Variants in MCM2 observed in about 807,000 individuals in gnomAD.
MCM2 encodes DNA replication licensing factor MCM2.
MCM2 carries 49 observed loss-of-function variants against 86.4 expected under a neutral mutation model. That is an observed-to-expected ratio of 0.57 (90% confidence interval 0.45 to 0.72). The LOEUF is 0.72. MCM2 is among the 30% of genes least tolerant of loss of function. MCM2 has a pLI of 0.00. For missense variants in MCM2, 1,038 were observed against 1,259.9 expected, an observed-to-expected ratio of 0.82 and a Z score of 2.67; for synonymous variants, 475 against 484.6, an observed-to-expected ratio of 0.98 and a Z score of 0.26.
chr3:127,617,185 G>A lies in MCM2; in HGVS notation c.1773+67G>A, dbSNP rs186703288. 20 of 1,603,708 alleles carry A rather than the reference G, an allele frequency of 1.2e-5. No individual in the cohort carries two copies. The highest frequency in any genetic ancestry group is 1.7e-4 in the Middle Eastern group (1 of 6,006). On this transcript the variant is annotated intron_variant, in intron 10 of 15. Transcript: ENST00000265056. This position sits in a 1 kb window ranked among gnomAD's most constrained non-coding sequence, Gnocchi z 4.1. The stretch of plus-strand genomic sequence containing the variant: ...GTGTGTGGGCTTGGGCCTTAGCGAC[G>A]GGAATGGTGTTAATGGGGTCCATTG...
chr3:127,604,863 G>A (rs1386527431), intron 3 of MCM2, 33 bp from the exon 4 acceptor site: 1 of 1,588,524 alleles, frequency 6.3e-7, no homozygotes. Context: ...TGCTGGGGAT[G>A]ACCGCAGTAG....
intron 6 of MCM2, among the ~76,000 whole-genome samples, chr3:127,607,586 T>C (rs1018679144): frequency 6.6e-6 from 1 of 152,232 alleles, no homozygotes; most frequent in Non-Finnish European, 1.5e-5. Flanking sequence ...CTGAGCCACG[T>C]CTTTGCTCAC....
chr3:127,599,031 A>G (rs559240387), intron 1 of MCM2: 149 of 526,276 alleles, frequency 2.8e-4, no homozygotes, highest in African/African-American at 2.7e-3. Flanking sequence ...GGCAAATGAC[A>G]TAACCTCAGT....
chr3:127,617,763 G>T lies in MCM2; in HGVS notation c.1901-206G>T. 1 of 592,764 alleles carries T rather than the reference G, an allele frequency of 1.7e-6. No individual in the cohort carries two copies. The highest frequency in any genetic ancestry group is 3.0e-5 in the Admixed American group (1 of 33,812). The allele number at this position is 592,764 out of a possible 1,614,324, so 36.7% of individuals were successfully genotyped here. On this transcript the variant is annotated intron_variant, in intron 11 of 15. Transcript: ENST00000265056. This position sits in a 1 kb window ranked among gnomAD's most constrained non-coding sequence, Gnocchi z 4.1. ...GTTCTTGGTTTTTCCTCCTGGGGAA[G>T]CAGTTATGCTTTCTGTCTAAATTAG...
At position 127,621,881 on chromosome 3, in the gene MCM2, A is replaced by C; in HGVS notation, c.*108A>C. 6.7e-6 allele frequency: 5 copies of C among 743,068 alleles called. No homozygotes were observed. The highest frequency in any genetic ancestry group is 1.1e-5 in the Non-Finnish European group (5 of 444,550). The allele number at this position is 743,068 out of a possible 1,614,324, so 46.0% of individuals were successfully genotyped here. A position where few individuals can be genotyped will look rare whatever the true frequency, so the allele number is the denominator to read the frequency against. ...GAGCACTTGATGAACTCGGGGTACT[A>C]GGGTCAGGGCTTATAGCAGGATGTC... On this transcript the variant is annotated 3_prime_UTR_variant, in exon 16 of 16. Coordinates refer to ENST00000265056, the MANE Select transcript of MCM2 (RefSeq NM_004526.4).
chr3:127,606,352 G>C lies in MCM2; in HGVS notation c.893+15G>C, dbSNP rs769205577. On this transcript the variant is annotated intron_variant, in intron 5 of 15. Coordinates refer to ENST00000265056, the MANE Select transcript of MCM2 (RefSeq NM_004526.4). This position sits in a 1 kb window ranked among gnomAD's most constrained non-coding sequence, Gnocchi z 4.2. The stretch of plus-strand genomic sequence containing the variant: ...CGCTCGCTGAGGTGAGCTGAGGGCA[G>C]GTGAGGATGGCAGGTCCGAGCTCAG... The C allele has an allele frequency of 6.2e-7, 1 of 1,613,438 alleles. No homozygotes were observed. The highest frequency in any genetic ancestry group is 1.1e-5 in the South Asian group (1 of 91,058).
chr3:127,609,655 G>A (rs1341775680), intron 8 of MCM2, among the ~76,000 whole-genome samples: 1 of 151,960 alleles, frequency 6.6e-6, no homozygotes, highest in Non-Finnish European at 1.5e-5. Flanking sequence ...GAAGGATGAG[G>A]AGATGGGGAT....
chr3:127,615,604 T>G (rs2074426614), intron 8 of MCM2, among the ~76,000 whole-genome samples: 1 of 152,222 alleles, frequency 6.6e-6, no homozygotes, highest in African/African-American at 2.4e-5. Context: ...GAAAGGCCTT[T>G]CTGAAATATG....
intron 2 of MCM2, among the ~76,000 whole-genome samples, chr3:127,603,719 T>C (rs2074323016): frequency 6.6e-6 from 1 of 152,148 alleles, no homozygotes; most frequent in South Asian, 2.1e-4. Context: ...TGGAGTGCAG[T>C]GGCACAATCT....
chr3:127,599,524 G>T lies in MCM2; in HGVS notation c.213G>T (p.Glu71Asp). 4.3e-6 allele frequency: 7 copies of T among 1,613,578 alleles called. No homozygotes were observed. The highest frequency in any genetic ancestry group is 5.9e-6 in the Non-Finnish European group (7 of 1,179,704). Reference protein sequence around the residue: ...GPLEEEEDGEELIGDGMERDY... With the variant: ...GPLEEEEDGEDLIGDGMERDY... ...TGGAGGAAGAAGAGGATGGAGAGGAGCTCATTGGAGATGGCATGGAAAGGT... is the reference window on the plus strand; with the variant it reads ...TGGAGGAAGAAGAGGATGGAGAGGATCTCATTGGAGATGGCATGGAAAGGT... Residue 71 changes from glutamate to aspartate, a missense_variant, in exon 2 of 16, where the codon GAG becomes GAT. Physicochemically the swap from Glu to Asp is conservative, Grantham distance 45 (BLOSUM62 2). Transcript: ENST00000265056.
chr3:127,618,233 C>CA lies in MCM2; in HGVS notation c.2013+153dup. The stretch of plus-strand genomic sequence containing the variant: ...TGTTCCCTCGGTCTCTTCTCATGTC[C>CA]AGAAGTCGCCCTGATTTCTCTTTCC... On this transcript the variant is annotated intron_variant, in intron 12 of 15. Transcript: ENST00000265056. The surrounding 1 kb of genome is among the most constrained non-coding windows in gnomAD (Gnocchi z 4.0). 1.5e-6 allele frequency: 1 copy of CA among 653,134 alleles called. No individual in the cohort carries two copies. Among genetic ancestry groups the CA allele is most frequent in the South Asian group, 1.7e-5 (1 of 57,352 alleles). The allele number at this position is 653,134 out of a possible 1,614,324, so 40.5% of individuals were successfully genotyped here.
In MCM2 at chr3:127,617,425, TG is replaced by T; in HGVS notation, c.1900+21del. ...CCATAGGTGCAGCAGGCACCCTGAC[TG>T]CTGGGGCTGGGGTGGGACACAGGGA... On this transcript the variant is annotated intron_variant, in intron 11 of 15. Transcript: ENST00000265056. This position sits in a 1 kb window ranked among gnomAD's most constrained non-coding sequence, Gnocchi z 4.1. 1 of 1,609,994 alleles carries T rather than the reference TG, an allele frequency of 6.2e-7. No individual in the cohort carries two copies. The highest frequency in any genetic ancestry group is 1.7e-5 in the Admixed American group (1 of 59,486).
intron 14 of MCM2, 71 bp from the exon 15 acceptor site, chr3:127,621,002 G>C: frequency 6.3e-7 from 1 of 1,588,034 alleles, no homozygotes; most frequent in Non-Finnish European, 8.6e-7. Context: ...CCTGGGTGCT[G>C]GCACGTAGGG....
chr3:127,601,938 G>C (rs1263596066), intron 2 of MCM2, among the ~76,000 whole-genome samples: 4 of 152,076 alleles, frequency 2.6e-5, no homozygotes, highest in Non-Finnish European at 5.9e-5. Context: ...TGCTTGATTG[G>C]CTATCTGTGT....
At chr3:127,612,856 T>G (rs972854921) in intron 8 of MCM2, among the ~76,000 whole-genome samples, 3 of 152,166 alleles carry the variant, frequency 2.0e-5, no homozygotes, top group Non-Finnish European at 4.4e-5. Context: ...TTGCCTCTCC[T>G]CTAGGAGAAA....
chr3:127,614,266 C>T (rs1383026495), intron 8 of MCM2, among the ~76,000 whole-genome samples: 1 of 152,028 alleles, frequency 6.6e-6, no homozygotes, highest in East Asian at 1.9e-4. Flanking sequence ...AAAAGACTCT[C>T]TTTGAATAAA....
At chr3:127,605,220 T>C in intron 4 of MCM2, 64 bp downstream of exon 4, 2 of 1,574,740 alleles carry the variant, frequency 1.3e-6, no homozygotes, top group African/African-American at 2.7e-5. Context: ...CCCCAGAAAG[T>C]TGTCTGAGCC....
At chr3:127,611,136 C>T (rs2074391984) in intron 8 of MCM2, among the ~76,000 whole-genome samples, 1 of 152,238 alleles carries the variant, frequency 6.6e-6, no homozygotes, top group Admixed American at 6.5e-5. Flanking sequence ...CAGCCTTCTA[C>T]CCTCACCACC....
intron 13 of MCM2, among the ~76,000 whole-genome samples, chr3:127,620,471 G>A (rs2074468032): frequency 6.6e-6 from 1 of 152,208 alleles, no homozygotes; most frequent in African/African-American, 2.4e-5. Flanking sequence ...AACTGTGCAG[G>A]TGTGATGGTG....
Sources: allele counts gnomAD v4.1 joint callset (sites outside exome capture counted in the v4.1 genomes callset), GRCh38; gene constraint gnomAD v4.1.1; non-coding constraint Gnocchi (gnomAD v3.1); transcripts MANE v1.5; gene names NCBI Gene and HGNC (gene_info 2026-07-23, HGNC 2026-07-21).